TMOD1: variants seen among roughly 807,000 people sequenced by gnomAD.
The protein encoded by TMOD1 is tropomodulin 1, also known as tropomodulin-1.
A neutral mutation model predicts 40.6 loss-of-function variants in TMOD1; 17 were observed. The ratio of observed to expected loss-of-function variants is 0.42; its 90% CI spans 0.29 to 0.63. The LOEUF (loss-of-function observed/expected upper bound fraction) is 0.63. Ranked by LOEUF, TMOD1 falls within the 20% of genes least tolerant of loss-of-function variation. The probability of loss-of-function intolerance (pLI) is 0.22; values close to 1 mark genes in which losing one functional copy is unlikely to be tolerated. For missense variants in TMOD1, 391 were observed against 447.6 expected, an observed-to-expected ratio of 0.87 and a Z score of 1.14; for synonymous variants, 181 against 175.0, an observed-to-expected ratio of 1.03 and a Z score of -0.27.
At chr9:97,597,932 C>T (rs1826149304) in intron 9 of TMOD1, among the ~76,000 whole-genome samples, 2 of 152,028 alleles carry the variant, frequency 1.3e-5, no homozygotes, top group Admixed American at 1.3e-4. Flanking sequence ...GGAGCTAATC[C>T]TCCCTGTGAG....
At chr9:97,563,721 C>G (rs1012456239) in intron 5 of TMOD1, among the ~76,000 whole-genome samples, 21 of 152,296 alleles carry the variant, frequency 1.4e-4, no homozygotes, top group African/African-American at 5.1e-4. Context: ...CTTAGCCTCC[C>G]AAGAGTCCAC....
chr9:97,573,452 G>A (rs746829104), intron 8 of TMOD1, among the ~76,000 whole-genome samples: 29 of 152,214 alleles, frequency 1.9e-4, no homozygotes, highest in Admixed American at 4.6e-4. Flanking sequence ...GATGATTTGT[G>A]TCTGGCTTTT....
At chr9:97,504,711 C>A (rs559994900) in intron 1 of TMOD1, among the ~76,000 whole-genome samples, 204 of 152,282 alleles carry the variant, frequency 1.3e-3, no homozygotes, top group Non-Finnish European at 1.8e-3. Context: ...AGTGTTTTGA[C>A]CCTGCTCTGG....
chr9:97,563,996 C>T (rs1162489972), intron 5 of TMOD1, 42 bp from the exon 6 acceptor site: 3 of 1,594,526 alleles, frequency 1.9e-6, no homozygotes, highest in Non-Finnish European at 2.6e-6. Context: ...AAAGTGAGCC[C>T]CTTGTTTCTG....
intron 8 of TMOD1, among the ~76,000 whole-genome samples, chr9:97,587,135 G>A (rs1362236225): frequency 6.6e-6 from 1 of 152,142 alleles, no homozygotes; most frequent in African/African-American, 2.4e-5. Context: ...GATGTACCAG[G>A]GTTTGTTTGA....
rs1367058738 is a variant in TMOD1 at position 97,600,947 on chromosome 9, T to C, written c.*1249T>C. The C allele has an allele frequency of 1.8e-6, 2 of 1,134,074 alleles. No individual in the cohort carries two copies. The highest frequency in any genetic ancestry group is 4.6e-5 in the Admixed American group (1 of 21,596). The allele number at this position is 1,134,074 out of a possible 1,614,324, so 70.3% of individuals were successfully genotyped here. A position where few individuals can be genotyped will look rare whatever the true frequency, so the allele number is the denominator to read the frequency against. ...TGCTTTTGGGAGTTATTTTCATTAG[T>C]GATTTCAGCAAATCTCATGATAAAG... On this transcript the variant is annotated 3_prime_UTR_variant, in exon 10 of 10. Coordinates refer to ENST00000259365, the MANE Select transcript of TMOD1 (RefSeq NM_003275.4).
At chr9:97,535,809 G>A (rs1015849500) in intron 2 of TMOD1, among the ~76,000 whole-genome samples, 1 of 152,218 alleles carries the variant, frequency 6.6e-6, no homozygotes, top group Non-Finnish European at 1.5e-5. Context: ...TTAATGCCCT[G>A]TAAAGTTGAC....
Position 97,566,018 on chromosome 9 carries a change from T to C in TMOD1, c.726+63T>C, listed in dbSNP as rs1486000575. On this transcript the variant is annotated intron_variant, in intron 7 of 9. Transcript: ENST00000259365. ...GCCTTGAAACAGAAGGGTTGAAATA[T>C]GTGGCCTCAGGACTGGTTGTATCCC... The C allele has an allele frequency of 6.2e-6, 9 of 1,443,484 alleles. No homozygotes were observed. In the South Asian group the frequency reaches 8.1e-5, roughly 13 times the overall value. 89.4% of individuals were successfully genotyped at this position (1,443,484 alleles called of 1,614,324 possible).
intron 4 of TMOD1, among the ~76,000 whole-genome samples, chr9:97,559,573 C>T (rs555614347): frequency 9.6e-4 from 145 of 150,624 alleles, no homozygotes; most frequent in African/African-American, 3.3e-3. Flanking sequence ...AAGACCAGCC[C>T]GGGCAACATG....
intron 9 of TMOD1, among the ~76,000 whole-genome samples, chr9:97,599,154 A>C (rs547320041): frequency 6.6e-6 from 1 of 152,090 alleles, no homozygotes. Context: ...AAGGTTAAAC[A>C]TAAGGGGATA....
intron 2 of TMOD1, among the ~76,000 whole-genome samples, chr9:97,531,728 A>T (rs990081414): frequency 5.3e-5 from 8 of 152,176 alleles, no homozygotes; most frequent in Non-Finnish European, 1.0e-4. Flanking sequence ...ACCCCACCCC[A>T]GGCATCTACA....
intron 5 of TMOD1, 146 bp from the exon 6 acceptor site, chr9:97,563,892 G>A (rs1428766129): frequency 1.8e-6 from 2 of 1,119,044 alleles, no homozygotes; most frequent in Non-Finnish European, 1.2e-6. Flanking sequence ...CTTCTGAGTG[G>A]TGCCCCCTAC....
chr9:97,577,440 G>A (rs1825637618), intron 8 of TMOD1, among the ~76,000 whole-genome samples: 1 of 152,138 alleles, frequency 6.6e-6, no homozygotes, highest in African/African-American at 2.4e-5. Flanking sequence ...CCCATGCTAG[G>A]ATTTGGGAAA....
intron 9 of TMOD1, among the ~76,000 whole-genome samples, chr9:97,594,051 T>C (rs1278099334): frequency 2.0e-5 from 3 of 152,082 alleles, no homozygotes; most frequent in Admixed American, 6.5e-5. Context: ...CCAAGGCCTT[T>C]AATGTCAAGC....
intron 9 of TMOD1, among the ~76,000 whole-genome samples, chr9:97,591,836 A>G (rs1587965022): frequency 6.6e-6 from 1 of 152,190 alleles, no homozygotes; most frequent in African/African-American, 2.4e-5. Context: ...TCCCAAAACT[A>G]CCTTCCAATA....
At position 97,565,546 on chromosome 9, in the gene TMOD1, T is replaced by C. The variant is rs1830713807; in HGVS notation, c.619-302T>C. Among the ~76,000 whole-genome samples, 3 of 151,962 alleles carry C rather than the reference T, an allele frequency of 2.0e-5. No individual in the cohort carries two copies. The South Asian group carries it at 6.2e-4, about 32-fold the overall frequency. Reference sequence around the variant, plus strand: ...CAGGTTCCAGCCCCTCTCACACCCCTAGTCCTAGCTCTTTGCACAATACTA... The same window carrying C: ...CAGGTTCCAGCCCCTCTCACACCCCCAGTCCTAGCTCTTTGCACAATACTA... On this transcript the variant is annotated intron_variant, in intron 6 of 9. Transcript: ENST00000259365.
chr9:97,585,724 A>G (rs1825855923), intron 8 of TMOD1, among the ~76,000 whole-genome samples: 1 of 125,866 alleles, frequency 7.9e-6, no homozygotes, highest in Non-Finnish European at 1.7e-5. Flanking sequence ...TTTTTTCTCT[A>G]AACTTCCCTT....
intron 4 of TMOD1, among the ~76,000 whole-genome samples, chr9:97,562,499 A>G (rs1587944537): frequency 6.6e-6 from 1 of 152,358 alleles, no homozygotes; most frequent in East Asian, 1.9e-4. Context: ...TGGATGTGCC[A>G]GCAGGACATC....
intron 2 of TMOD1, among the ~76,000 whole-genome samples, chr9:97,530,564 T>C (rs996500622): frequency 6.6e-6 from 1 of 151,042 alleles, no homozygotes; most frequent in African/African-American, 2.4e-5. Context: ...CTCGGCTCCC[T>C]GCAAGCTCTG....
Sources: allele counts gnomAD v4.1 joint callset (sites outside exome capture counted in the v4.1 genomes callset), GRCh38; gene constraint gnomAD v4.1.1; transcripts MANE v1.5; gene names NCBI Gene and HGNC (gene_info 2026-07-23, HGNC 2026-07-21).